DCC: variants seen among roughly 807,000 people sequenced by gnomAD.
The protein encoded by DCC is DCC netrin 1 receptor.
A neutral mutation model predicts 172.5 loss-of-function variants in DCC; 58 were observed. That is an observed-to-expected ratio of 0.34 (90% CI 0.27 to 0.42). DCC has a LOEUF of 0.42. Among genes scored for constraint, DCC ranks in the 10% least tolerant of loss-of-function variants. The pLI is 1.00. For missense variants in DCC, 1,740 were observed against 1,791.0 expected (o/e 0.97, Z 0.51); for synonymous variants, 709 against 644.5 (o/e 1.10, Z -1.52).
intron 28 of DCC, among the ~76,000 whole-genome samples, chr18:53,528,906 G>A (rs150541563): frequency 0.018 from 2,751 of 151,848 alleles, 82 homozygotes; most frequent in African/African-American, 0.062. Context: ...AGTGGTTGCC[G>A]TATTATACAA....
At chr18:52,711,194 C>T (rs185795973) in intron 1 of DCC, among the ~76,000 whole-genome samples, 20 of 152,080 alleles carry the variant, frequency 1.3e-4, no homozygotes, top group Middle Eastern at 3.4e-3. Flanking sequence ...CCTTATTGGA[C>T]GATAAAGATA....
At chr18:53,042,571 G>A (rs753989086) in intron 5 of DCC, among the ~76,000 whole-genome samples, 18 of 151,468 alleles carry the variant, frequency 1.2e-4, no homozygotes, top group Non-Finnish European at 2.2e-4. Flanking sequence ...AATAGTTTCA[G>A]AGAGCTAATA....
At chr18:53,117,935 C>A (rs1037708070) in intron 7 of DCC, among the ~76,000 whole-genome samples, 4 of 150,632 alleles carry the variant, frequency 2.7e-5, no homozygotes, top group Admixed American at 2.6e-4. Flanking sequence ...AAACATTCTT[C>A]TTGTCTTATG....
chr18:53,435,297 A>T (rs147057940), intron 22 of DCC, 88 bp downstream of exon 22: 3 of 844,496 alleles, frequency 3.6e-6, no homozygotes, highest in South Asian at 1.4e-5. Flanking sequence ...TCTATCAACT[A>T]CAAGTGCCAG....
chr18:53,288,663 A>G (rs576001403), intron 12 of DCC, among the ~76,000 whole-genome samples: 1 of 152,276 alleles, frequency 6.6e-6, no homozygotes, highest in South Asian at 2.1e-4. Context: ...AATTAGATGC[A>G]GAACGATTAC....
chr18:52,427,283 T>A (rs1349344755), intron 1 of DCC, among the ~76,000 whole-genome samples: 2 of 152,110 alleles, frequency 1.3e-5, no homozygotes, highest in Non-Finnish European at 2.9e-5. Context: ...CTGCTAATGT[T>A]CGTTAAGATC....
At chr18:52,644,521 G>A (rs941783985) in intron 1 of DCC, among the ~76,000 whole-genome samples, 12 of 149,904 alleles carry the variant, frequency 8.0e-5, no homozygotes, top group Admixed American at 3.3e-4. Context: ...GGAGCTTGCG[G>A]TGAACCGAGA....
At chr18:52,848,489 A>G (rs1443932192) in intron 2 of DCC, among the ~76,000 whole-genome samples, 4 of 152,334 alleles carry the variant, frequency 2.6e-5, no homozygotes, top group South Asian at 4.1e-4. Flanking sequence ...GTGGTTTAAA[A>G]TAATGCATTT....
In DCC at chr18:53,397,427, T is replaced by C; in HGVS notation, c.2808T>C (p.His936=). ...RRSSTWSMTA[H]ATTYEAAPTS... is the part of the protein sequence containing the mutation. ...CCAGTACTTGGAGCATGACTGCACATGCCACCACGTATGAAGCAGGTATGT... is the reference window on the plus strand; with the variant it reads ...CCAGTACTTGGAGCATGACTGCACACGCCACCACGTATGAAGCAGGTATGT... Residue 936 remains histidine, a synonymous_variant, in exon 18 of 29, where the codon CAT becomes CAC. Transcript: ENST00000442544. 1 of 1,614,022 alleles carries C rather than the reference T, an allele frequency of 6.2e-7. No homozygotes were observed.
At chr18:52,876,410 T>C (rs1204241461) in intron 2 of DCC, among the ~76,000 whole-genome samples, 6 of 152,226 alleles carry the variant, frequency 3.9e-5, no homozygotes, top group Non-Finnish European at 8.8e-5. Context: ...TATAAAGGCA[T>C]ACATTCTTCA....
chr18:53,354,117 A>G (rs2057848375), intron 15 of DCC, among the ~76,000 whole-genome samples: 1 of 152,336 alleles, frequency 6.6e-6, no homozygotes, highest in African/African-American at 2.4e-5. Context: ...GCTGCATAGT[A>G]TCCCATGGTG....
At position 53,088,034 on chromosome 18, in the gene DCC, C is replaced by T. The variant is rs1457762306; in HGVS notation, c.1261+21868C>T. 2.2e-4 allele frequency among the ~76,000 whole-genome samples: 33 copies of T among 152,214 alleles called. No homozygotes were observed. In the East Asian group the frequency reaches 2.9e-3, roughly 13 times the overall value. On this transcript the variant is annotated intron_variant, in intron 7 of 28. Coordinates refer to ENST00000442544, the MANE Select transcript of DCC (RefSeq NM_005215.4). ...TGTAGTATAGTTTGTAGTCAGGTAG[C>T]GTGATGCCTCCAGCTTTGTTCTTTT...
At chr18:52,416,570 A>G (rs1235088435) in intron 1 of DCC, among the ~76,000 whole-genome samples, 2 of 151,586 alleles carry the variant, frequency 1.3e-5, no homozygotes, top group African/African-American at 4.8e-5. Context: ...TATTGGGTGC[A>G]TATATATTTA....
At chr18:52,626,495 C>A (rs1435407731) in intron 1 of DCC, among the ~76,000 whole-genome samples, 2 of 151,878 alleles carry the variant, frequency 1.3e-5, no homozygotes, top group African/African-American at 4.8e-5. Context: ...TATACAAAAA[C>A]CAGAGTGATC....
chr18:53,326,550 A>C (rs2057470189), intron 14 of DCC, among the ~76,000 whole-genome samples: 1 of 152,230 alleles, frequency 6.6e-6, no homozygotes, highest in Non-Finnish European at 1.5e-5. Context: ...GAAGGAATGA[A>C]CAAGATCAAT....
At chr18:52,375,942 A>G (rs1410456956) in intron 1 of DCC, among the ~76,000 whole-genome samples, 1 of 152,188 alleles carries the variant, frequency 6.6e-6, no homozygotes, top group Non-Finnish European at 1.5e-5. Context: ...AGTCTGTAGA[A>G]TTTTAGAGAG....
At chr18:52,721,222 C>A (rs186093298) in intron 1 of DCC, among the ~76,000 whole-genome samples, 4 of 152,282 alleles carry the variant, frequency 2.6e-5, no homozygotes, top group Non-Finnish European at 4.4e-5. Flanking sequence ...ATGTTCGAAT[C>A]TGAAATTATT....
At chr18:52,926,954 A>AT (rs1362433918) in intron 5 of DCC, among the ~76,000 whole-genome samples, 247 of 110,966 alleles carry the variant, frequency 2.2e-3, no homozygotes, top group Non-Finnish European at 4.3e-3. Flanking sequence ...TGATATATAC[A>AT]CTATATATGG....
intron 5 of DCC, among the ~76,000 whole-genome samples, chr18:52,940,741 C>A (rs2040448811): frequency 6.6e-6 from 1 of 152,116 alleles, no homozygotes. Flanking sequence ...TCACTTATTT[C>A]TAGAAGAAAA....
Sources: allele counts gnomAD v4.1 joint callset (sites outside exome capture counted in the v4.1 genomes callset), GRCh38; gene constraint gnomAD v4.1.1; transcripts MANE v1.5; gene names NCBI Gene and HGNC (gene_info 2026-07-23, HGNC 2026-07-21).